Variants in ATP10A observed in about 807,000 individuals in gnomAD.
ATP10A encodes the protein ATPase phospholipid transporting 10A (putative).
Under a neutral mutation model 147.8 loss-of-function variants are expected in ATP10A, and 111 were observed. That is an observed-to-expected ratio of 0.75 (90% CI 0.64 to 0.88). The LOEUF (loss-of-function observed/expected upper bound fraction) is 0.88, where lower values mean the gene tolerates loss of function less well. ATP10A is among the 40% of genes least tolerant of loss of function. The pLI is 0.00. For synonymous variants in ATP10A, 875 were observed against 841.6 expected (o/e 1.04, Z -0.69); for missense variants, 1,927 against 1,959.0 (o/e 0.98, Z 0.31).
intron 4 of ATP10A, among the ~76,000 whole-genome samples, chr15:25,726,577 G>C (rs1353689410): frequency 6.6e-6 from 1 of 151,882 alleles, no homozygotes; most frequent in Non-Finnish European, 1.5e-5. Context: ...TAGTAGCTGG[G>C]ACTACAGGTG....
chr15:25,806,602 G>A (rs12595846), intron 1 of ATP10A, among the ~76,000 whole-genome samples: 81,924 of 152,024 alleles, frequency 0.54, 23,367 homozygotes, highest in East Asian at 0.8. Flanking sequence ...GTGAGCCACC[G>A]CACCCAGCCA....
intron 1 of ATP10A, among the ~76,000 whole-genome samples, chr15:25,797,686 C>T (rs974850304): frequency 6.6e-5 from 10 of 152,194 alleles, no homozygotes; most frequent in Admixed American, 2.0e-4. Context: ...CTCCACAGCA[C>T]GCAGATCCTT....
In ATP10A at chr15:25,726,034, C is replaced by G; in HGVS notation, c.896G>C (p.Arg299Pro). 6.2e-7 allele frequency: 1 copy of G among 1,614,092 alleles called. No homozygotes were observed. Among genetic ancestry groups the G allele is most frequent in the Non-Finnish European group, 8.5e-7 (1 of 1,179,986 alleles). ...GTTCATCTGCCTCTCCAGCTTGCTG[C>G]GCTTGTAGCGGGGCCCACTGTTGTT... ...LLNNSGPRYK[R>P]SKLERQMNCD... Residue 299 changes from arginine to proline, a missense_variant, in exon 5 of 21, where the codon CGC (arginine) becomes CCC (proline). Coordinates refer to ENST00000555815, the MANE Select transcript of ATP10A (RefSeq NM_024490.4).
At chr15:25,785,733 A>C (rs1387182588) in intron 1 of ATP10A, among the ~76,000 whole-genome samples, 3 of 152,200 alleles carry the variant, frequency 2.0e-5, no homozygotes, top group Non-Finnish European at 4.4e-5. Flanking sequence ...TTTTATCAGC[A>C]CGGACCTCTA....
At chr15:25,829,846 G>C (rs1892278205) in intron 1 of ATP10A, among the ~76,000 whole-genome samples, 1 of 152,166 alleles carries the variant, frequency 6.6e-6, no homozygotes, top group African/African-American at 2.4e-5. Flanking sequence ...ACAGGACCCT[G>C]TGGGTCAAGC....
chr15:25,691,006 C>T (rs957494060), intron 15 of ATP10A, among the ~76,000 whole-genome samples: 2 of 152,002 alleles, frequency 1.3e-5, no homozygotes, highest in Non-Finnish European at 2.9e-5. Flanking sequence ...TAGCACATGC[C>T]CAACAGATCA....
chr15:25,826,685 C>T (rs1892127610), intron 1 of ATP10A, among the ~76,000 whole-genome samples: 1 of 152,142 alleles, frequency 6.6e-6, no homozygotes, highest in Non-Finnish European at 1.5e-5. Context: ...ATCTCAGCTA[C>T]ATGGGAGGCT....
At chr15:25,740,119 T>C (rs182547537) in intron 2 of ATP10A, among the ~76,000 whole-genome samples, 1 of 152,346 alleles carries the variant, frequency 6.6e-6, no homozygotes, top group East Asian at 1.9e-4. Context: ...GTTACCAACC[T>C]TGTATTTCAC....
chr15:25,785,195 T>TGAACTGTGTCCCCC (rs1890099717), intron 1 of ATP10A, among the ~76,000 whole-genome samples: 1 of 152,100 alleles, frequency 6.6e-6, no homozygotes, highest in Admixed American at 6.6e-5. Context: ...TAATGTCCCC[T>TGAACTGTGTCCCCC]GAACTGTGTC....
chr15:25,786,251 C>G (rs935253), intron 1 of ATP10A, among the ~76,000 whole-genome samples: 58,036 of 152,066 alleles, frequency 0.38, 11,936 homozygotes, highest in South Asian at 0.5. Context: ...GTGCCTGCCA[C>G]CCCAGCCAGC....
intron 2 of ATP10A, among the ~76,000 whole-genome samples, chr15:25,780,521 C>A (rs1282010767): frequency 6.6e-6 from 1 of 152,200 alleles, no homozygotes; most frequent in African/African-American, 2.4e-5. Flanking sequence ...GTCACACGTG[C>A]TTCCCTCCAG....
chr15:25,706,500 CGATCAGCCTGCAT>C (rs1341247621), intron 12 of ATP10A, among the ~76,000 whole-genome samples: 1 of 152,186 alleles, frequency 6.6e-6, no homozygotes, highest in Non-Finnish European at 1.5e-5. Context: ...CCAGGCTGTC[CGATCAGCCTGCAT>C]GACCAGCCCG....
chr15:25,753,678 T>G (rs1056121381), intron 2 of ATP10A, among the ~76,000 whole-genome samples: 2 of 151,626 alleles, frequency 1.3e-5, no homozygotes, highest in African/African-American at 4.8e-5. Context: ...GAAGTGTACA[T>G]TGTCCCCCAC....
At chr15:25,677,749 G>A (rs1315284938), downstream of ATP10A, 4 of 152,242 alleles carry the variant, frequency 2.6e-5, no homozygotes, top group Admixed American at 1.3e-4. Context: ...ACAGGGCATA[G>A]AGATTCTTCT....
chr15:25,848,052 C>T (rs1893107132), intron 1 of ATP10A, among the ~76,000 whole-genome samples: 1 of 151,824 alleles, frequency 6.6e-6, no homozygotes, highest in Non-Finnish European at 1.5e-5. Flanking sequence ...ACTTGGGAGG[C>T]TGAGGCAGGA....
intron 2 of ATP10A, among the ~76,000 whole-genome samples, chr15:25,739,324 T>C (rs1471239581): frequency 1.3e-5 from 2 of 152,194 alleles, no homozygotes; most frequent in African/African-American, 4.8e-5. Context: ...AATCTGATCA[T>C]AGATACCCTC....
At chr15:25,740,706 C>G (rs117932710) in intron 2 of ATP10A, among the ~76,000 whole-genome samples, 1 of 152,250 alleles carries the variant, frequency 6.6e-6, no homozygotes, top group African/African-American at 2.4e-5. Context: ...ACACCTCTGT[C>G]TACCTGGCTT....
chr15:25,733,277 A>T (rs1887052009), intron 3 of ATP10A, among the ~76,000 whole-genome samples: 1 of 152,122 alleles, frequency 6.6e-6, no homozygotes, highest in Non-Finnish European at 1.5e-5. Flanking sequence ...TAGACAGCAG[A>T]TCTACCTCCC....
chr15:25,687,985 C>T, intron 15 of ATP10A, 157 bp from the exon 16 acceptor site: 1 of 898,946 alleles, frequency 1.1e-6, no homozygotes. Context: ...CTGTCGTCTC[C>T]CTCAGCATCT....
Sources: gnomAD v4.1 joint callset for allele counts (sites outside exome capture counted in the v4.1 genomes callset) on GRCh38, gnomAD v4.1.1 for gene constraint, MANE v1.5 for transcripts, NCBI Gene and HGNC (gene_info 2026-07-23, HGNC 2026-07-21) for gene names.